Variants in MLLT10 observed in about 807,000 individuals in gnomAD.
MLLT10 encodes the protein protein AF-10.
A neutral mutation model predicts 129.1 loss-of-function variants in MLLT10; 30 were observed. That is an observed-to-expected ratio of 0.23 (90% CI 0.17 to 0.32). The LOEUF (loss-of-function observed/expected upper bound fraction) is 0.32, where lower values mean the gene tolerates loss of function less well. MLLT10 is among the 10% of genes least tolerant of loss of function. The probability of loss-of-function intolerance (pLI) is 1.00; values close to 1 mark genes in which losing one functional copy is unlikely to be tolerated. For missense variants in MLLT10, 1,119 were observed against 1,268.3 expected (o/e 0.88, Z 1.79); for synonymous variants, 490 against 446.4 (o/e 1.10, Z -1.23).
Position 21,612,389 on chromosome 10 carries a change from A to C in MLLT10, c.447A>C (p.Ala149=), listed in dbSNP as rs151114420. The C allele has an allele frequency of 1.9e-6, 3 of 1,613,018 alleles. No homozygotes were observed. Among genetic ancestry groups the C allele is most frequent in the Middle Eastern group, 1.6e-4 (1 of 6,082 alleles). The change falls in exon 6 of 23, where the codon GCA becomes GCC. Residue 149 remains alanine (A), a synonymous_variant. Transcript: ENST00000307729. The part of the protein sequence containing the change: ...ICDEQGRESK[A]ATGACMTCNK... ...ATGAACAAGGAAGAGAAAGCAAAGC[A>C]GCCACTGGTGCTTGCATGACATGTA...
chr10:21,701,512 C>A (rs529126531), intron 13 of MLLT10, among the ~76,000 whole-genome samples: 11 of 151,944 alleles, frequency 7.2e-5, no homozygotes, highest in Non-Finnish European at 1.6e-4. Context: ...TGTTGCGTTT[C>A]CATTTTCATT....
At chr10:21,576,025 C>G (rs925582043) in intron 3 of MLLT10, among the ~76,000 whole-genome samples, 3 of 151,858 alleles carry the variant, frequency 2.0e-5, no homozygotes, top group Non-Finnish European at 2.9e-5. Context: ...CTCCTAGATT[C>G]AAGCAGTTCA....
At chr10:21,682,360 A>G in intron 13 of MLLT10, 103 bp downstream of exon 13, 6 of 1,136,608 alleles carry the variant, frequency 5.3e-6, no homozygotes, top group Non-Finnish European at 7.6e-6. Context: ...ATTAGATGAA[A>G]TCCAGTGCTG....
chr10:21,658,977 A>G (rs2049894996), intron 9 of MLLT10, among the ~76,000 whole-genome samples: 2 of 151,780 alleles, frequency 1.3e-5, no homozygotes, highest in South Asian at 4.2e-4. Flanking sequence ...GTATCTTTTT[A>G]TGTGCATATT....
chr10:21,565,669 A>G (rs2039458567), intron 3 of MLLT10, among the ~76,000 whole-genome samples: 1 of 148,864 alleles, frequency 6.7e-6, no homozygotes. Context: ...GCAGTGGCAC[A>G]ATCATGGTTT....
At chr10:21,679,647 C>T (rs555439077) in intron 11 of MLLT10, among the ~76,000 whole-genome samples, 3 of 152,276 alleles carry the variant, frequency 2.0e-5, no homozygotes, top group Non-Finnish European at 4.4e-5. Flanking sequence ...GTTTAGCATT[C>T]ACTTCCTTTC....
Position 21,727,935 on chromosome 10 carries a change from G to A in MLLT10, c.2063+7G>A, listed in dbSNP as rs774828392. The A allele has an allele frequency of 9.9e-6, 16 of 1,613,176 alleles. No individual in the cohort carries two copies. Among genetic ancestry groups the A allele is most frequent in the South Asian group, 5.5e-5 (5 of 90,986 alleles). ...GAGGAAGTCTCTCGCCACGGTAAGC[G>A]CTATTTACACTGCAAAGTATAGGCA... On this transcript the variant is annotated splice_region_variant and intron_variant, in intron 16 of 22. Coordinates refer to ENST00000307729, the MANE Select transcript of MLLT10 (RefSeq NM_001195626.3).
At chr10:21,564,341 T>C (rs551193120) in intron 3 of MLLT10, 1 of 152,176 alleles carries the variant, frequency 6.6e-6, no homozygotes, top group African/African-American at 2.4e-5. Flanking sequence ...TGCTCCCGAC[T>C]GGTCTCCTAA....
chr10:21,563,427 A>G (rs1186099602), intron 3 of MLLT10, among the ~76,000 whole-genome samples: 1 of 151,910 alleles, frequency 6.6e-6, no homozygotes, highest in African/African-American at 2.4e-5. Context: ...GGAGGCTGAG[A>G]CATGAGAATT....
At chr10:21,634,357 C>G (rs1564546923) in intron 8 of MLLT10, among the ~76,000 whole-genome samples, 1 of 152,204 alleles carries the variant, frequency 6.6e-6, no homozygotes, top group Non-Finnish European at 1.5e-5. Flanking sequence ...TGAAAAGATT[C>G]ATGTTAAGCA....
intron 13 of MLLT10, among the ~76,000 whole-genome samples, chr10:21,710,510 T>G (rs2055972933): frequency 1.3e-5 from 2 of 152,230 alleles, no homozygotes. Context: ...TCAACCATAG[T>G]GCAGACCAAT....
chr10:21,700,223 A>G (rs1048862033), intron 13 of MLLT10, among the ~76,000 whole-genome samples: 3 of 149,642 alleles, frequency 2.0e-5, no homozygotes, highest in African/African-American at 7.4e-5. Context: ...TTGATTTTGT[A>G]TCCTCCAAAT....
intron 6 of MLLT10, 79 bp downstream of exon 6, chr10:21,612,530 A>G: frequency 1.3e-6 from 1 of 748,652 alleles, no homozygotes; most frequent in Non-Finnish European, 2.1e-6. Context: ...AGACTTAGAT[A>G]CTCAAACATT....
At chr10:21,682,012 A>G (rs187085603) in intron 12 of MLLT10, among the ~76,000 whole-genome samples, 4 of 152,336 alleles carry the variant, frequency 2.6e-5, no homozygotes, top group African/African-American at 7.2e-5. Context: ...ACATATCTCA[A>G]TTTAGTTGGT....
chr10:21,627,168 A>C (rs2046533410), intron 8 of MLLT10, among the ~76,000 whole-genome samples: 2 of 152,158 alleles, frequency 1.3e-5, no homozygotes, highest in African/African-American at 2.4e-5. Flanking sequence ...TAATGTTACC[A>C]TGTCCTTCGC....
rs139468248 is a variant in MLLT10, at chr10:21,586,334, G to C, written c.281G>C (p.Arg94Thr). The C allele has an allele frequency of 6.3e-7, 1 of 1,581,614 alleles. No individual in the cohort carries two copies. Among genetic ancestry groups the C allele is most frequent in the African/African-American group, 1.4e-5 (1 of 73,142 alleles). ...CCCCATAAGGATGGAGCTTTAAAAA[G>C]AACAGATAATGGGGGTAAGTGCAGA... ...LCPHKDGALK[R>T]TDNGGWAHVV... The change falls in exon 4 of 23, where the codon AGA (arginine) becomes ACA (threonine). Residue 94 changes from arginine (R) to threonine (T), a missense_variant. By Grantham distance (71) the Arg-to-Thr change is moderately conservative. Transcript: ENST00000307729.
chr10:21,547,295 CT>C (rs1362584517), intron 3 of MLLT10, among the ~76,000 whole-genome samples: 1 of 152,096 alleles, frequency 6.6e-6, no homozygotes, highest in Non-Finnish European at 1.5e-5. Flanking sequence ...GTCTTAATAT[CT>C]GTACTCCGTT....
chr10:21,655,780 G>A (rs921954010), intron 9 of MLLT10, among the ~76,000 whole-genome samples: 2 of 152,178 alleles, frequency 1.3e-5, no homozygotes, highest in African/African-American at 4.8e-5. Flanking sequence ...GCAAAGTAAC[G>A]TTGAGATAGC....
intron 7 of MLLT10, among the ~76,000 whole-genome samples, chr10:21,615,809 T>G (rs1051291575): frequency 1.3e-5 from 2 of 152,176 alleles, no homozygotes; most frequent in African/African-American, 4.8e-5. Context: ...AGGATCATGG[T>G]GATTGAGTTA....
Sources: gnomAD v4.1 joint callset for allele counts (sites outside exome capture counted in the v4.1 genomes callset) on GRCh38, gnomAD v4.1.1 for gene constraint, MANE v1.5 for transcripts, NCBI Gene and HGNC (gene_info 2026-07-23, HGNC 2026-07-21) for gene names.